The following PCSK6 variants were observed in gnomAD, a reference collection of about 807,000 sequenced individuals.
The protein encoded by PCSK6 is paired basic amino acid cleaving enzyme 4.
PCSK6 carries 85 observed loss-of-function variants against 123.3 expected under a neutral mutation model. The ratio of observed to expected loss-of-function variants is 0.69; its 90% CI spans 0.58 to 0.83. PCSK6 has a LOEUF of 0.83. Ranked by LOEUF, PCSK6 falls within the 40% of genes least tolerant of loss-of-function variation. PCSK6 has a pLI of 0.00. For synonymous variants in PCSK6, 508 were observed against 516.0 expected, an observed-to-expected ratio of 0.98 and a Z score of 0.21; for missense variants, 1,191 against 1,282.3, an observed-to-expected ratio of 0.93 and a Z score of 1.09.
intron 1 of PCSK6, among the ~76,000 whole-genome samples, chr15:101,479,122 A>C (rs1238182432): frequency 1.3e-5 from 2 of 152,138 alleles, no homozygotes; most frequent in East Asian, 1.9e-4. Flanking sequence ...GGAGAGAGAC[A>C]CCCCGCACGC....
chr15:101,489,384 T>C lies in PCSK6; in HGVS notation c.287A>G (p.Asn96Ser), dbSNP rs1480527848. The stretch of plus-strand genomic sequence containing the variant: ...GCCGGCCGCACTCACCTGGCCCAAG[T>C]TGAGGTACCCGTGCGCCGCCGCCAC... Reference protein sequence around the residue: ...DRVAAAHGYLNLGQIGNLEDY... With the variant: ...DRVAAAHGYLSLGQIGNLEDY... Residue 96 changes from asparagine to serine, a missense_variant, in exon 1 of 22, where the codon AAC (asparagine) becomes AGC (serine). Physicochemically the swap from Asn to Ser is conservative, Grantham distance 46. Around this residue, in one of 3 missense-constraint regions of PCSK6, gnomAD observed 204 missense variants for 166.4 expected, o/e 1.23. Coordinates refer to ENST00000611716, the MANE Select transcript of PCSK6 (RefSeq NM_002570.5). 17 of 1,251,142 alleles carry C rather than the reference T, an allele frequency of 1.4e-5. No individual in the cohort carries two copies. Among genetic ancestry groups the C allele is most frequent in the Non-Finnish European group, 1.7e-5 (17 of 984,962 alleles). 77.5% of individuals were successfully genotyped at this position (1,251,142 alleles called of 1,614,324 possible).
Position 101,398,725 on chromosome 15 carries a change from C to G in PCSK6, c.824-149G>C. 2.4e-6 allele frequency: 2 copies of G among 825,434 alleles called. No homozygotes were observed. Among genetic ancestry groups the G allele is most frequent in the Non-Finnish European group, 3.6e-6 (2 of 549,198 alleles). 51.1% of individuals were successfully genotyped at this position (825,434 alleles called of 1,614,324 possible). A position where few individuals can be genotyped will look rare whatever the true frequency, so the allele number is the denominator to read the frequency against. On this transcript the variant is annotated intron_variant, in intron 6 of 21. Transcript: ENST00000611716. This position sits in a 1 kb window ranked among gnomAD's most constrained non-coding sequence, Gnocchi z 4.6. ...TCCCAGTCATTCTGCAAAACTGGCT[C>G]CTCTTCTCCATGCTGGCTGATGTGA...
At chr15:101,343,482 C>T (rs1004853474) in intron 13 of PCSK6, among the ~76,000 whole-genome samples, 17 of 152,028 alleles carry the variant, frequency 1.1e-4, no homozygotes, top group Non-Finnish European at 4.4e-5. Context: ...GCAATTACAG[C>T]CATAAAGTTG....
intron 13 of PCSK6, among the ~76,000 whole-genome samples, chr15:101,348,173 C>CA (rs201966930): frequency 0.22 from 31,980 of 142,770 alleles, 4,259 homozygotes; most frequent in Admixed American, 0.31. Flanking sequence ...TGGGTCGGAC[C>CA]GGCCCCTGCG....
At chr15:101,463,380 G>C (rs2057381723) in intron 1 of PCSK6, among the ~76,000 whole-genome samples, 1 of 152,128 alleles carries the variant, frequency 6.6e-6, no homozygotes, top group Admixed American at 6.5e-5. Context: ...TCTCCTTCCA[G>C]GTGCCATCAA....
chr15:101,341,258 T>C lies in PCSK6; in HGVS notation c.1859-9227A>G, dbSNP rs190915036. Among the ~76,000 whole-genome samples the C allele has an allele frequency of 6.7e-3, 988 of 148,034 alleles. 12 individuals carry two copies. Among genetic ancestry groups the C allele is most frequent in the African/African-American group, 0.024 (946 of 39,782 alleles). On this transcript the variant is annotated intron_variant, in intron 13 of 21. Transcript: ENST00000611716. ...GGCCAAAAGTGTGGGGTTTTTTTTT[T>C]TTTTTTTCTTGACAAAGTCTTGCTC...
chr15:101,486,943 C>T (rs571455194), intron 1 of PCSK6, among the ~76,000 whole-genome samples: 8 of 152,302 alleles, frequency 5.3e-5, no homozygotes, highest in East Asian at 3.9e-4. Context: ...GTGACATATG[C>T]GTACCATGTG....
At chr15:101,336,018 T>G (rs1255935566) in intron 13 of PCSK6, among the ~76,000 whole-genome samples, 1 of 152,226 alleles carries the variant, frequency 6.6e-6, no homozygotes, top group Non-Finnish European at 1.5e-5. Context: ...CATTAGAATC[T>G]TATGCAATGA....
intron 6 of PCSK6, among the ~76,000 whole-genome samples, chr15:101,406,742 A>T (rs2042792297): frequency 1.3e-5 from 2 of 152,128 alleles, no homozygotes; most frequent in South Asian, 4.1e-4. Context: ...AGGCAGACCT[A>T]CGTTCGCCAT....
intron 13 of PCSK6, among the ~76,000 whole-genome samples, chr15:101,339,798 C>G (rs1434077777): frequency 1.3e-5 from 2 of 151,974 alleles, no homozygotes; most frequent in Admixed American, 6.6e-5. Flanking sequence ...GTAGTCCTAT[C>G]CATTCAGGAG....
chr15:101,412,221 G>T (rs1187229768), intron 6 of PCSK6, among the ~76,000 whole-genome samples: 1 of 152,170 alleles, frequency 6.6e-6, no homozygotes, highest in Non-Finnish European at 1.5e-5. Context: ...GCTGAAGTCA[G>T]GTATAGCCTC....
At chr15:101,339,257 T>C (rs1473839352) in intron 13 of PCSK6, among the ~76,000 whole-genome samples, 2 of 152,234 alleles carry the variant, frequency 1.3e-5, no homozygotes, top group East Asian at 1.9e-4. Context: ...TAGAGTTTAA[T>C]TAATTCTCCC....
At chr15:101,438,543 G>A (rs1339990256) in intron 2 of PCSK6, among the ~76,000 whole-genome samples, 2 of 152,212 alleles carry the variant, frequency 1.3e-5, no homozygotes, top group Non-Finnish European at 2.9e-5. Flanking sequence ...ATTGGCAAGA[G>A]ATGGGCTTGC....
At chr15:101,407,772 C>T (rs572470689) in intron 6 of PCSK6, among the ~76,000 whole-genome samples, 6 of 152,336 alleles carry the variant, frequency 3.9e-5, no homozygotes, top group Admixed American at 1.3e-4. Context: ...GCCCCACATA[C>T]GGTACTGGGA....
Position 101,443,679 on chromosome 15 carries a change from A to C in PCSK6, c.298-19T>G, listed in dbSNP as rs776416804. The C allele has an allele frequency of 6.4e-7, 1 of 1,558,944 alleles. No individual in the cohort carries two copies. Among genetic ancestry groups the C allele is most frequent in the South Asian group, 1.1e-5 (1 of 89,896 alleles). Reference sequence around the variant, plus strand: ...TTCCAATCTGCAAGACAAGAAGCAGAATGCCATCAATTAATAGTCTCACGA... The same window carrying C: ...TTCCAATCTGCAAGACAAGAAGCAGCATGCCATCAATTAATAGTCTCACGA... On this transcript the variant is annotated intron_variant, in intron 1 of 21. Coordinates refer to ENST00000611716, the MANE Select transcript of PCSK6 (RefSeq NM_002570.5).
chr15:101,368,639 G>C (rs891068669), intron 12 of PCSK6, among the ~76,000 whole-genome samples: 12 of 152,146 alleles, frequency 7.9e-5, no homozygotes, highest in Non-Finnish European at 1.8e-4. Flanking sequence ...CCCAGCTCTG[G>C]CTCTGAGTCA....
At chr15:101,404,914 C>G (rs1223678125) in intron 6 of PCSK6, among the ~76,000 whole-genome samples, 1 of 152,096 alleles carries the variant, frequency 6.6e-6, no homozygotes, top group African/African-American at 2.4e-5. Context: ...TATTTTTGAA[C>G]AAGAAGAACG....
intron 11 of PCSK6, among the ~76,000 whole-genome samples, chr15:101,376,953 G>C (rs780661711): frequency 6.6e-6 from 1 of 152,246 alleles, no homozygotes; most frequent in Non-Finnish European, 1.5e-5. Flanking sequence ...ATGCCCTGGA[G>C]GGAGAGGCTG....
intron 6 of PCSK6, among the ~76,000 whole-genome samples, chr15:101,421,691 T>A (rs1158995470): frequency 6.6e-6 from 1 of 152,196 alleles, no homozygotes; most frequent in Non-Finnish European, 1.5e-5. Flanking sequence ...CTCAGTCAAG[T>A]CTTCAGACTA....
Sources: allele counts gnomAD v4.1 joint callset (sites outside exome capture counted in the v4.1 genomes callset), GRCh38; gene constraint gnomAD v4.1.1; regional missense constraint gnomAD v4.1.1; non-coding constraint Gnocchi (gnomAD v3.1); transcripts MANE v1.5; gene names NCBI Gene and HGNC (gene_info 2026-07-23, HGNC 2026-07-21).